Variants in LPGAT1 observed in about 807,000 individuals in gnomAD.
LPGAT1 encodes the protein lysophosphatidylglycerol acyltransferase 1.
A neutral mutation model predicts 47.5 loss-of-function variants in LPGAT1; 11 were observed. The ratio of observed to expected loss-of-function variants is 0.23; its 90% CI spans 0.15 to 0.38. The LOEUF is 0.38. LPGAT1 is among the 10% of genes least tolerant of loss of function. The pLI, the probability that LPGAT1 is intolerant of heterozygous loss-of-function variation, is 1.00. For missense variants in LPGAT1, 293 were observed against 439.0 expected (o/e 0.67, Z 2.97); for synonymous variants, 138 against 144.2 (o/e 0.96, Z 0.31).
At position 211,756,142 on chromosome 1, in the gene LPGAT1, A is replaced by G. The variant is rs1210991706; in HGVS notation, c.855-5075T>C. On this transcript the variant is annotated intron_variant, in intron 6 of 7. Transcript: ENST00000366997. The stretch of plus-strand genomic sequence containing the variant: ...TCCCAGCTACCCGGGAGGCTGAGGC[A>G]GGAGAATTGCTTGAACCCAGGAGGT... 2.6e-5 allele frequency among the ~76,000 whole-genome samples: 4 copies of G among 152,066 alleles called. No homozygotes were observed. The East Asian group carries it at 7.7e-4, about 29-fold the overall frequency.
chr1:211,806,708 T>C (rs915397405), intron 2 of LPGAT1, among the ~76,000 whole-genome samples: 5 of 152,214 alleles, frequency 3.3e-5, no homozygotes, highest in Admixed American at 3.3e-4. Context: ...CTCATGATCA[T>C]ATGAATTGAC....
chr1:211,750,012 A>C lies in LPGAT1; in HGVS notation c.1000T>G (p.Ser334Ala). The change falls in exon 8 of 8, where the codon TCC becomes GCC. Residue 334 changes from serine to alanine, a missense_variant. Ser to Ala is a moderately conservative substitution (Grantham distance 99, BLOSUM62 1). Transcript: ENST00000366997. ...PPSKGHKEAV[S>A]REMTLSNLWI... ...AAGTTGCTGAGGGTCATCTCCCTGG[A>C]AACAGCTTCCTTATGGCCCTTGGAA... 5.6e-6 allele frequency: 9 copies of C among 1,614,156 alleles called. No individual in the cohort carries two copies. Among genetic ancestry groups the C allele is most frequent in the Non-Finnish European group, 7.6e-6 (9 of 1,179,998 alleles).
At chr1:211,755,723 C>T (rs1657416063) in intron 6 of LPGAT1, among the ~76,000 whole-genome samples, 1 of 151,670 alleles carries the variant, frequency 6.6e-6, no homozygotes, top group African/African-American at 2.4e-5. Context: ...AACTCACATG[C>T]TTTTGATTAA....
intron 2 of LPGAT1, among the ~76,000 whole-genome samples, chr1:211,817,044 C>T (rs1054353911): frequency 7.2e-5 from 11 of 152,160 alleles, no homozygotes; most frequent in African/African-American, 2.4e-4. Flanking sequence ...CTATCCCAAC[C>T]GTATAAAACA....
intron 2 of LPGAT1, among the ~76,000 whole-genome samples, chr1:211,811,399 G>C (rs1013579883): frequency 6.6e-6 from 1 of 152,208 alleles, no homozygotes; most frequent in African/African-American, 2.4e-5. Flanking sequence ...GGGTCAGAGG[G>C]AAGGAATGAA....
intron 5 of LPGAT1, among the ~76,000 whole-genome samples, 194 bp from the exon 6 acceptor site, chr1:211,779,238 T>C (rs1658536024): frequency 6.6e-6 from 1 of 152,174 alleles, no homozygotes; most frequent in South Asian, 2.1e-4. Context: ...TGTTATAAAA[T>C]GGATGAACCT....
rs1656938798 is a variant in LPGAT1 at position 211,746,280 on chromosome 1, A to C, written c.*3619T>G. On this transcript the variant is annotated 3_prime_UTR_variant, in exon 8 of 8. Transcript: ENST00000366997. ...AATGTTCCCAGGTTTACATTTGGTG[A>C]TTTCAGATTTCATTTTCATAAAAAG... 6.6e-6 allele frequency: 1 copy of C among 152,652 alleles called. No homozygotes were observed. The highest frequency in any genetic ancestry group is 2.1e-4 in the South Asian group (1 of 4,830). The allele number at this position is 152,652 out of a possible 1,614,324, so 9.5% of individuals were successfully genotyped here.
Position 211,830,667 on chromosome 1 carries a change from G to C in LPGAT1, c.-122C>G, listed in dbSNP as rs1157692910. The C allele has an allele frequency of 8.3e-7, 1 of 1,198,798 alleles. No homozygotes were observed. Among genetic ancestry groups the C allele is most frequent in the African/African-American group, 1.6e-5 (1 of 62,916 alleles). 74.3% of individuals were successfully genotyped at this position (1,198,798 alleles called of 1,614,324 possible). A position where few individuals can be genotyped will look rare whatever the true frequency, so the allele number is the denominator to read the frequency against. ...GGGGCCGGCGGAAGAAGGCGGTGGC[G>C]GGGCCCTGCCCCGCTCCGGCTGTGG... On this transcript the variant is annotated 5_prime_UTR_variant, in exon 1 of 8. Transcript: ENST00000366997. This position sits in a 1 kb window ranked among gnomAD's most constrained non-coding sequence, Gnocchi z 5.9.
chr1:211,803,770 T>C (rs1008975764), intron 2 of LPGAT1, among the ~76,000 whole-genome samples: 2 of 151,220 alleles, frequency 1.3e-5, no homozygotes, highest in African/African-American at 4.8e-5. Flanking sequence ...CTTTCTTTTT[T>C]TTTTTTTTTT....
chr1:211,802,349 C>T (rs73084795), intron 2 of LPGAT1, among the ~76,000 whole-genome samples: 2,698 of 151,594 alleles, frequency 0.018, 87 homozygotes, highest in African/African-American at 0.061. Context: ...CATGTATTGC[C>T]GGAGACCTGA....
intron 2 of LPGAT1, among the ~76,000 whole-genome samples, chr1:211,818,353 G>T (rs1222756397): frequency 6.6e-6 from 1 of 152,146 alleles, no homozygotes; most frequent in Admixed American, 6.5e-5. Flanking sequence ...GACAGTAAAG[G>T]GGGTGGTCAT....
At chr1:211,826,589 A>G (rs1393133907) in intron 2 of LPGAT1, among the ~76,000 whole-genome samples, 1 of 152,152 alleles carries the variant, frequency 6.6e-6, no homozygotes, top group Non-Finnish European at 1.5e-5. Context: ...TGTGTAGGTT[A>G]GATAATCAAC....
Position 211,783,424 on chromosome 1 carries a change from AT to A in LPGAT1, c.531del (p.Lys177AsnfsTer46). The A allele has an allele frequency of 6.2e-7, 1 of 1,614,050 alleles. No homozygotes were observed. Reference sequence around the variant, plus strand: ...CCCCCTTCTGGAAACAAAACAATCCATTTTCGATCTCTGCTCCTGTAATTAT... The same window carrying A: ...CCCCCTTCTGGAAACAAAACAATCCATTTCGATCTCTGCTCCTGTAATTAT... Reference protein sequence around the residue: ...LENNYRSRDRKWIVLFPEGGF... With the variant: ...LENNYRSRDRXWIVLFPEGGF... On this transcript the variant is annotated frameshift_variant, in exon 5 of 8. Coordinates refer to ENST00000366997, the MANE Select transcript of LPGAT1 (RefSeq NM_014873.3). LOFTEE classifies it high-confidence loss of function.
At chr1:211,793,421 ATTTATTTATT>A (rs1659221328) in intron 2 of LPGAT1, 1 of 155,402 alleles carries the variant, frequency 6.4e-6, no homozygotes, top group African/African-American at 2.4e-5. Context: ...TTATTTATTT[ATTTATTTATT>A]TATTTATTTA....
At chr1:211,787,558 G>A in intron 4 of LPGAT1, 74 bp downstream of exon 4, 3 of 551,436 alleles carry the variant, frequency 5.4e-6, no homozygotes, top group Non-Finnish European at 9.3e-6. Flanking sequence ...AATTGGTTTT[G>A]TTATACCTCT....
chr1:211,830,305 T>G lies in LPGAT1; in HGVS notation c.-28+268A>C. ...CGAGGCGCTGCGCGAGCGGGCGCGC[T>G]GGCGCCCTACTCCCCTCGCGGCTGC... is the stretch of plus-strand genomic sequence containing the variant. On this transcript the variant is annotated intron_variant, in intron 1 of 7. Transcript: ENST00000366997. This position sits in a 1 kb window ranked among gnomAD's most constrained non-coding sequence, Gnocchi z 5.9. 1 of 1,081,776 alleles carries G rather than the reference T, an allele frequency of 9.2e-7. No homozygotes were observed. The highest frequency in any genetic ancestry group is 1.1e-6 in the Non-Finnish European group (1 of 892,102). The allele number at this position is 1,081,776 out of a possible 1,614,324, so 67.0% of individuals were successfully genotyped here.
Position 211,746,707 on chromosome 1 carries a change from A to G in LPGAT1, c.*3192T>C, listed in dbSNP as rs1256734335. The G allele has an allele frequency of 4.6e-5, 7 of 152,210 alleles. No individual in the cohort carries two copies. The highest frequency in any genetic ancestry group is 1.0e-4 in the Non-Finnish European group (7 of 68,040). 9.4% of individuals were successfully genotyped at this position (152,210 alleles called of 1,614,324 possible). A position where few individuals can be genotyped will look rare whatever the true frequency, so the allele number is the denominator to read the frequency against. Reference sequence around the variant, plus strand: ...GAACTCATAGCTATCTTCTTTTTTAATATACTTTTGGAATTCTCAGTGAAT... The same window carrying G: ...GAACTCATAGCTATCTTCTTTTTTAGTATACTTTTGGAATTCTCAGTGAAT... On this transcript the variant is annotated 3_prime_UTR_variant, in exon 8 of 8. Coordinates refer to ENST00000366997, the MANE Select transcript of LPGAT1 (RefSeq NM_014873.3).
intron 2 of LPGAT1, among the ~76,000 whole-genome samples, chr1:211,823,677 C>T (rs569711533): frequency 6.6e-6 from 1 of 152,240 alleles, no homozygotes; most frequent in African/African-American, 2.4e-5. Context: ...GTGGCTCATT[C>T]CTATAATCCC....
chr1:211,830,379 G>A lies in LPGAT1; in HGVS notation c.-28+194C>T. ...ACTCAGAGGCCGGACCTGTCACCCG[G>A]GCGGGTCCCGGGGAGGCGGGCGGAT... On this transcript the variant is annotated intron_variant, in intron 1 of 7. Transcript: ENST00000366997. The surrounding 1 kb of genome is among the most constrained non-coding windows in gnomAD (Gnocchi z 5.9). The A allele has an allele frequency of 8.6e-7, 1 of 1,167,852 alleles. No homozygotes were observed. Among genetic ancestry groups the A allele is most frequent in the Non-Finnish European group, 1.1e-6 (1 of 947,116 alleles). The allele number at this position is 1,167,852 out of a possible 1,614,324, so 72.3% of individuals were successfully genotyped here. A position where few individuals can be genotyped will look rare whatever the true frequency, so the allele number is the denominator to read the frequency against.
Sources: gnomAD v4.1 joint callset for allele counts (sites outside exome capture counted in the v4.1 genomes callset) on GRCh38, gnomAD v4.1.1 for gene constraint, Gnocchi (gnomAD v3.1) non-coding constraint, MANE v1.5 for transcripts, NCBI Gene and HGNC (gene_info 2026-07-23, HGNC 2026-07-21) for gene names.